Variants in STXBP6 observed in about 807,000 individuals in gnomAD.
STXBP6 encodes the protein syntaxin-binding protein 6.
A neutral mutation model predicts 26.9 loss-of-function variants in STXBP6; 21 were observed. That is an observed-to-expected ratio of 0.78 (90% CI 0.55 to 1.12). STXBP6 has a LOEUF of 1.12. Ranked by LOEUF, STXBP6 falls within the 50% of genes most tolerant of loss-of-function variation. The probability of loss-of-function intolerance (pLI) is 0.00; values close to 1 mark genes in which losing one functional copy is unlikely to be tolerated. For synonymous variants in STXBP6, 97 were observed against 92.6 expected (o/e 1.05, Z -0.27); for missense variants, 232 against 257.9 (o/e 0.90, Z 0.69).
intron 5 of STXBP6, among the ~76,000 whole-genome samples, chr14:24,813,302 T>C (rs1259796471): frequency 6.6e-6 from 1 of 152,188 alleles, no homozygotes; most frequent in East Asian, 1.9e-4. Flanking sequence ...CCCATTGGTG[T>C]TTGTAAAACA....
chr14:24,906,122 T>G (rs1296678545), intron 2 of STXBP6, among the ~76,000 whole-genome samples: 4 of 152,214 alleles, frequency 2.6e-5, no homozygotes, highest in African/African-American at 9.6e-5. Context: ...TAATTAGGTT[T>G]TTTAAAAATC....
At chr14:24,991,543 T>C (rs899859472) in intron 1 of STXBP6, among the ~76,000 whole-genome samples, 5 of 152,122 alleles carry the variant, frequency 3.3e-5, no homozygotes, top group Admixed American at 6.5e-5. Context: ...GAACTTTCAT[T>C]GCCTGTTAGA....
intron 1 of STXBP6, among the ~76,000 whole-genome samples, chr14:24,977,024 A>T (rs996574771): frequency 2.6e-5 from 4 of 151,308 alleles, no homozygotes; most frequent in Non-Finnish European, 4.4e-5. Context: ...CACCACGCCC[A>T]GCTAATTTTT....
At chr14:24,947,447 A>G (rs559544626) in intron 2 of STXBP6, among the ~76,000 whole-genome samples, 1 of 152,350 alleles carries the variant, frequency 6.6e-6, no homozygotes, top group South Asian at 2.1e-4. Flanking sequence ...CAGGAGGCAG[A>G]GCATTACACA....
intron 1 of STXBP6, among the ~76,000 whole-genome samples, chr14:25,016,647 G>A (rs936300916): frequency 2.0e-5 from 3 of 152,128 alleles, no homozygotes; most frequent in East Asian, 1.9e-4. Flanking sequence ...CAACTTTTAC[G>A]CAAAAGAACA....
intron 1 of STXBP6, among the ~76,000 whole-genome samples, chr14:25,041,529 T>C (rs138796965): frequency 6.6e-6 from 1 of 152,334 alleles, no homozygotes; most frequent in East Asian, 1.9e-4. Flanking sequence ...CACCAGTTAC[T>C]GCTGGCTTTC....
At chr14:24,970,231 A>C (rs1293393805) in intron 2 of STXBP6, among the ~76,000 whole-genome samples, 1 of 149,396 alleles carries the variant, frequency 6.7e-6, no homozygotes, top group East Asian at 2.0e-4. Flanking sequence ...ACAGAACGAG[A>C]CTCCGTCTCA....
chr14:24,863,353 C>G (rs1184695726), intron 2 of STXBP6, among the ~76,000 whole-genome samples: 1 of 152,088 alleles, frequency 6.6e-6, no homozygotes, highest in Admixed American at 6.6e-5. Flanking sequence ...ATTCTTGAGT[C>G]AGGTGGCTGC....
intron 1 of STXBP6, among the ~76,000 whole-genome samples, chr14:24,979,799 T>C (rs891771035): frequency 6.6e-6 from 1 of 152,220 alleles, no homozygotes; most frequent in Non-Finnish European, 1.5e-5. Flanking sequence ...TCTCACTTCC[T>C]CTGCCTTAGT....
intron 1 of STXBP6, among the ~76,000 whole-genome samples, chr14:24,990,377 C>T (rs1021037096): frequency 9.9e-5 from 15 of 152,206 alleles, no homozygotes; most frequent in South Asian, 2.1e-4. Flanking sequence ...AGATAAGCTG[C>T]GCCGCGCGCA....
intron 1 of STXBP6, among the ~76,000 whole-genome samples, chr14:25,002,841 C>G (rs2140338672): frequency 6.6e-6 from 1 of 152,190 alleles, no homozygotes; most frequent in East Asian, 1.9e-4. Flanking sequence ...ATTCTCCTGC[C>G]TCAGCCTTCC....
intron 1 of STXBP6, among the ~76,000 whole-genome samples, chr14:25,002,410 A>T (rs1358709353): frequency 7.6e-6 from 1 of 131,208 alleles, no homozygotes; most frequent in African/African-American, 3.1e-5. Flanking sequence ...CCCAGGCTGG[A>T]GTGCAGTGGT....
chr14:24,892,595 C>T (rs761405711), intron 2 of STXBP6, among the ~76,000 whole-genome samples: 9 of 152,092 alleles, frequency 5.9e-5, no homozygotes, highest in Non-Finnish European at 1.2e-4. Context: ...AGGGACCCCC[C>T]GCCCCCTCTC....
At chr14:24,977,742 A>AC (rs1219000159) in intron 1 of STXBP6, among the ~76,000 whole-genome samples, 4 of 152,234 alleles carry the variant, frequency 2.6e-5, no homozygotes, top group Admixed American at 2.0e-4. Context: ...AATCCCTCTG[A>AC]ACTTGAAGAA....
At chr14:24,827,181 A>G (rs751219905) in intron 4 of STXBP6, among the ~76,000 whole-genome samples, 3 of 152,224 alleles carry the variant, frequency 2.0e-5, no homozygotes, top group Non-Finnish European at 4.4e-5. Context: ...AGTCTGGACA[A>G]TAGAGCCAGA....
intron 2 of STXBP6, among the ~76,000 whole-genome samples, chr14:24,886,354 C>T (rs553409896): frequency 2.6e-5 from 4 of 152,268 alleles, no homozygotes; most frequent in South Asian, 2.1e-4. Context: ...ATACTTTATA[C>T]CTCCATGTTC....
chr14:25,036,010 G>A (rs934623349), intron 1 of STXBP6, among the ~76,000 whole-genome samples: 6 of 151,966 alleles, frequency 3.9e-5, no homozygotes, highest in African/African-American at 7.3e-5. Flanking sequence ...CTGAGGTCAG[G>A]GGTTCGAGAC....
chr14:24,849,123 T>C (rs1431970823), intron 4 of STXBP6, among the ~76,000 whole-genome samples: 2 of 152,244 alleles, frequency 1.3e-5, no homozygotes, highest in East Asian at 3.9e-4. Flanking sequence ...TCTGATTCTA[T>C]GCTTTAAATA....
intron 4 of STXBP6, among the ~76,000 whole-genome samples, chr14:24,832,813 T>C (rs546958500): frequency 6.6e-6 from 1 of 152,320 alleles, no homozygotes; most frequent in East Asian, 1.9e-4. Flanking sequence ...CTGGTGTCTA[T>C]TATCAAGGTT....
Sources: allele counts gnomAD v4.1 joint callset (sites outside exome capture counted in the v4.1 genomes callset), GRCh38; gene constraint gnomAD v4.1.1; transcripts MANE v1.5; gene names NCBI Gene and HGNC (gene_info 2026-07-23, HGNC 2026-07-21).